Variants in PLA2G15 observed in about 807,000 individuals in gnomAD.
PLA2G15 encodes lysosomal phospholipase A and acyltransferase.
PLA2G15 carries 20 observed loss-of-function variants against 40.9 expected under a neutral mutation model. The ratio of observed to expected loss-of-function variants is 0.49; its 90% CI spans 0.34 to 0.71. PLA2G15 has a LOEUF of 0.71. Ranked by LOEUF, PLA2G15 falls within the 30% of genes least tolerant of loss-of-function variation. The probability of loss-of-function intolerance (pLI) is 0.01; values close to 1 mark genes in which losing one functional copy is unlikely to be tolerated. For missense variants in PLA2G15, 471 were observed against 541.9 expected (o/e 0.87, Z 1.30); for synonymous variants, 223 against 228.2 (o/e 0.98, Z 0.21).
At chr16:68,251,340 C>G (rs536535780) in intron 2 of PLA2G15, among the ~76,000 whole-genome samples, 1 of 152,260 alleles carries the variant, frequency 6.6e-6, no homozygotes, top group African/African-American at 2.4e-5. Flanking sequence ...ACCAGAAACA[C>G]AGTTGGCGCC....
At chr16:68,246,999 T>A (rs1183648623) in intron 1 of PLA2G15, among the ~76,000 whole-genome samples, 1 of 152,172 alleles carries the variant, frequency 6.6e-6, no homozygotes, top group East Asian at 1.9e-4. Flanking sequence ...ATAGCCATTT[T>A]GCCTGGATTG....
intron 2 of PLA2G15, among the ~76,000 whole-genome samples, chr16:68,250,985 G>A (rs2042350412): frequency 6.6e-6 from 1 of 152,118 alleles, no homozygotes. Context: ...ATCATCATGT[G>A]CCCGAATTTG....
rs552807608 is a variant in PLA2G15, at chr16:68,259,795, G to A, written c.*138G>A. ...TCTTGGACTGTGAAGCATCTGCCAT[G>A]GGGAAGTGCTGTTTGTTATCCTTTC... On this transcript the variant is annotated 3_prime_UTR_variant, in exon 6 of 6. Transcript: ENST00000219345. This position sits in a 1 kb window ranked among gnomAD's most constrained non-coding sequence, Gnocchi z 6.5. 2.8e-6 allele frequency: 2 copies of A among 725,046 alleles called. No individual in the cohort carries two copies. The highest frequency in any genetic ancestry group is 1.8e-5 in the African/African-American group (1 of 56,506). 44.9% of individuals were successfully genotyped at this position (725,046 alleles called of 1,614,324 possible). A position where few individuals can be genotyped will look rare whatever the true frequency, so the allele number is the denominator to read the frequency against.
At position 68,261,006 on chromosome 16, in the gene PLA2G15, T is replaced by G. The variant is rs1416179875; in HGVS notation, c.*1349T>G. On this transcript the variant is annotated 3_prime_UTR_variant, in exon 6 of 6. Coordinates refer to ENST00000219345, the MANE Select transcript of PLA2G15 (RefSeq NM_012320.4). ...GTTCCTGAGTGGCCCCACATGGGGC[T>G]CTGAGCAGGCTGTATCTGGATTCTG... is the stretch of plus-strand genomic sequence containing the variant. 6.6e-6 allele frequency: 1 copy of G among 152,362 alleles called. No individual in the cohort carries two copies. Among genetic ancestry groups the G allele is most frequent in the Non-Finnish European group, 1.5e-5 (1 of 68,218 alleles). 9.4% of individuals were successfully genotyped at this position (152,362 alleles called of 1,614,324 possible). A position where few individuals can be genotyped will look rare whatever the true frequency, so the allele number is the denominator to read the frequency against.
chr16:68,245,903 T>G (rs1596940111), intron 1 of PLA2G15, among the ~76,000 whole-genome samples: 1 of 151,642 alleles, frequency 6.6e-6, no homozygotes, highest in Non-Finnish European at 1.5e-5. Context: ...ATGGTGGGGG[T>G]GTGTAGAGTG....
In PLA2G15 at chr16:68,245,433, C is replaced by A; in HGVS notation, c.7C>A (p.Leu3Ile). MG[L>I]HLRPYRVGLL... Reference sequence around the variant, plus strand: ...GCGGCGACCGTCGTACACCATGGGCCTCCACCTCCGCCCCTACCGTGTGGG... The same window carrying A: ...GCGGCGACCGTCGTACACCATGGGCATCCACCTCCGCCCCTACCGTGTGGG... Residue 3 changes from leucine to isoleucine, a missense_variant, in exon 1 of 6, where the codon CTC becomes ATC. By Grantham distance (5) the Leu-to-Ile change is conservative (BLOSUM62 2). Coordinates refer to ENST00000219345, the MANE Select transcript of PLA2G15 (RefSeq NM_012320.4). The A allele has an allele frequency of 1.2e-6, 2 of 1,604,486 alleles. No individual in the cohort carries two copies. Among genetic ancestry groups the A allele is most frequent in the Non-Finnish European group, 8.5e-7 (1 of 1,179,762 alleles).
intron 5 of PLA2G15, among the ~76,000 whole-genome samples, chr16:68,257,865 A>G (rs997788648): frequency 6.6e-6 from 1 of 152,120 alleles, no homozygotes. Context: ...CTTTGTTTCA[A>G]AGGCTGGGAA....
chr16:68,256,974 A>G (rs1414224947), intron 5 of PLA2G15, among the ~76,000 whole-genome samples: 1 of 148,902 alleles, frequency 6.7e-6, no homozygotes, highest in Admixed American at 6.7e-5. Flanking sequence ...TCCACCTTCC[A>G]GGTTCAAGTG....
chr16:68,248,073 A>G (rs1057290401), intron 1 of PLA2G15, among the ~76,000 whole-genome samples: 1 of 152,200 alleles, frequency 6.6e-6, no homozygotes, highest in Non-Finnish European at 1.5e-5. Context: ...GCTGTTTCCA[A>G]TACGGGCTCC....
At chr16:68,256,250 C>T in intron 5 of PLA2G15, 2 of 431,750 alleles carry the variant, frequency 4.6e-6, no homozygotes, top group African/African-American at 2.0e-5. Context: ...TGGATCCCCA[C>T]ACTATTAGCC....
intron 1 of PLA2G15, among the ~76,000 whole-genome samples, chr16:68,247,690 G>A (rs1267844774): frequency 1.3e-5 from 2 of 152,256 alleles, no homozygotes; most frequent in Non-Finnish European, 2.9e-5. Context: ...GTGAAGGCAT[G>A]TGCCGCCCCT....
rs772219526 is a variant in PLA2G15 at position 68,254,905 on chromosome 16, T to A, written c.285-14T>A. 6.5e-7 allele frequency: 1 copy of A among 1,547,456 alleles called. No individual in the cohort carries two copies. The highest frequency in any genetic ancestry group is 1.7e-5 in the Admixed American group (1 of 59,766). Reference sequence around the variant, plus strand: ...TCCCCTCCGGGTCACTGGCTCAATATCCTCTCACAACAGGCTGGTTTACAA... The same window carrying A: ...TCCCCTCCGGGTCACTGGCTCAATAACCTCTCACAACAGGCTGGTTTACAA... On this transcript the variant is annotated splice_polypyrimidine_tract_variant and intron_variant, in intron 2 of 5. Transcript: ENST00000219345.
intron 1 of PLA2G15, 34 bp downstream of exon 1, chr16:68,245,587 C>A (rs1434787275): frequency 6.5e-7 from 1 of 1,546,360 alleles, no homozygotes; most frequent in South Asian, 1.2e-5. Flanking sequence ...ATCTGTCGGT[C>A]GGGCGGGACG....
intron 1 of PLA2G15, among the ~76,000 whole-genome samples, chr16:68,247,603 G>C (rs1197020126): frequency 6.6e-6 from 1 of 152,188 alleles, no homozygotes; most frequent in Non-Finnish European, 1.5e-5. Context: ...GCCCTGCCCT[G>C]CCCAGTCCAC....
intron 2 of PLA2G15, chr16:68,252,555 A>G (rs2042364565): frequency 2.2e-6 from 1 of 455,964 alleles, no homozygotes; most frequent in Non-Finnish European, 4.4e-6. Flanking sequence ...CTGTGTACTG[A>G]GCCCTGAGGC....
In PLA2G15 at chr16:68,254,911, C is replaced by T; in HGVS notation, c.285-8C>T. On this transcript the variant is annotated splice_polypyrimidine_tract_variant and splice_region_variant and intron_variant, in intron 2 of 5. Transcript: ENST00000219345. Reference sequence around the variant, plus strand: ...CCGGGTCACTGGCTCAATATCCTCTCACAACAGGCTGGTTTACAACAAAAC... The same window carrying T: ...CCGGGTCACTGGCTCAATATCCTCTTACAACAGGCTGGTTTACAACAAAAC... The T allele has an allele frequency of 6.3e-7, 1 of 1,582,054 alleles. No homozygotes were observed. Among genetic ancestry groups the T allele is most frequent in the Non-Finnish European group, 8.7e-7 (1 of 1,151,140 alleles).
At chr16:68,251,244 T>C (rs2042352790) in intron 2 of PLA2G15, among the ~76,000 whole-genome samples, 1 of 152,160 alleles carries the variant, frequency 6.6e-6, no homozygotes, top group Non-Finnish European at 1.5e-5. Flanking sequence ...AAATCCAGAA[T>C]GTGTGGCGTT....
chr16:68,248,557 T>C, intron 1 of PLA2G15: 1 of 212,064 alleles, frequency 4.7e-6, no homozygotes. Context: ...AGGTAATTTT[T>C]TGTATTTTTA....
chr16:68,249,204 C>A, intron 1 of PLA2G15, 86 bp from the exon 2 acceptor site: 1 of 1,085,594 alleles, frequency 9.2e-7, no homozygotes, highest in Non-Finnish European at 1.4e-6. Context: ...TGTGGCTCTT[C>A]AGGGGGTCTG....
Sources: allele counts gnomAD v4.1 joint callset (sites outside exome capture counted in the v4.1 genomes callset), GRCh38; gene constraint gnomAD v4.1.1; non-coding constraint Gnocchi (gnomAD v3.1); transcripts MANE v1.5; gene names NCBI Gene and HGNC (gene_info 2026-07-23, HGNC 2026-07-21).